Variants in TPRG1 observed in about 807,000 individuals in gnomAD.
TPRG1 encodes the protein tumor protein p63 regulated 1.
In TPRG1, 29 loss-of-function variants were observed where a neutral mutation model predicts 29.3. The observed-to-expected ratio is 0.99, with a 90% CI of 0.74 to 1.35. The LOEUF is 1.35. TPRG1 is among the 40% of genes most tolerant of loss of function. TPRG1 has a pLI of 0.00. For synonymous variants in TPRG1, 130 were observed against 116.8 expected (o/e 1.11, Z -0.73); for missense variants, 327 against 335.0 (o/e 0.98, Z 0.19).
At chr3:189,058,894 G>A (rs570937133) in intron 4 of TPRG1, among the ~76,000 whole-genome samples, 8 of 152,258 alleles carry the variant, frequency 5.3e-5, no homozygotes, top group African/African-American at 1.2e-4. Context: ...CATTGAAAAC[G>A]TCCCACATGC....
chr3:189,251,941 G>A (rs1314663362), intron 4 of TPRG1, among the ~76,000 whole-genome samples: 2 of 152,202 alleles, frequency 1.3e-5, no homozygotes, highest in East Asian at 1.9e-4. Context: ...GCTGGGGGAC[G>A]GTCAGGTCTT....
upstream of TPRG1, among the ~76,000 whole-genome samples, chr3:189,169,424 C>A (rs1728544938): frequency 6.6e-6 from 1 of 152,184 alleles, no homozygotes; most frequent in Non-Finnish European, 1.5e-5. Context: ...CTCGGCCTCC[C>A]AAAGTGCTGG....
At chr3:189,056,996 A>G (rs1019004972) in intron 4 of TPRG1, among the ~76,000 whole-genome samples, 1 of 152,170 alleles carries the variant, frequency 6.6e-6, no homozygotes, top group African/African-American at 2.4e-5. Flanking sequence ...CCCTGAGGAT[A>G]ATTTCTGAAG....
chr3:189,005,970 T>A (rs1000660605), intron 3 of TPRG1, among the ~76,000 whole-genome samples: 34 of 152,072 alleles, frequency 2.2e-4, no homozygotes, highest in African/African-American at 8.2e-4. Flanking sequence ...AACAGCAGTA[T>A]CAATAGCAGT....
At chr3:189,081,964 C>T (rs968226815) in intron 4 of TPRG1, among the ~76,000 whole-genome samples, 6 of 152,070 alleles carry the variant, frequency 3.9e-5, no homozygotes, top group African/African-American at 7.2e-5. Flanking sequence ...AGATTCTAGA[C>T]GAGGCTAAAC....
chr3:189,240,684 C>T (rs1179283894), intron 4 of TPRG1: 1 of 152,204 alleles, frequency 6.6e-6, no homozygotes, highest in African/African-American at 2.4e-5. Context: ...AATCACCTCC[C>T]ACCGGGTTCC....
chr3:189,244,246 A>G (rs1741051996), intron 4 of TPRG1, among the ~76,000 whole-genome samples: 1 of 152,122 alleles, frequency 6.6e-6, no homozygotes, highest in Non-Finnish European at 1.5e-5. Context: ...CCTAGCCAAC[A>G]TGGTGAAACC....
upstream of TPRG1, among the ~76,000 whole-genome samples, chr3:189,168,326 T>G (rs1046114784): frequency 2.6e-5 from 4 of 152,180 alleles, no homozygotes; most frequent in African/African-American, 9.6e-5. Context: ...AAAAGATGCT[T>G]TGGGCTGAAT....
chr3:189,224,734 C>T (rs921430552), intron 3 of TPRG1, among the ~76,000 whole-genome samples: 2 of 152,066 alleles, frequency 1.3e-5, no homozygotes, highest in African/African-American at 2.4e-5. Context: ...AGGCCATTTC[C>T]ACTCTGGTCC....
At chr3:189,183,839 A>G (rs1467629272) in intron 1 of TPRG1, among the ~76,000 whole-genome samples, 6 of 151,540 alleles carry the variant, frequency 4.0e-5, no homozygotes, top group Non-Finnish European at 8.8e-5. Context: ...TTGTGCAGTT[A>G]ACGCAATTAT....
intron 4 of TPRG1, among the ~76,000 whole-genome samples, chr3:189,288,957 A>G (rs1718535532): frequency 6.6e-6 from 1 of 152,182 alleles, no homozygotes; most frequent in African/African-American, 2.4e-5. Context: ...TTCCTCCCCA[A>G]AAGCATTTAT....
At chr3:189,220,994 A>G (rs1292450400) in intron 3 of TPRG1, among the ~76,000 whole-genome samples, 1 of 152,194 alleles carries the variant, frequency 6.6e-6, no homozygotes, top group African/African-American at 2.4e-5. Context: ...TTACTCAATC[A>G]TTCACCTATT....
chr3:189,138,915 C>T (rs1291792758), intron 3 of TPRG1, among the ~76,000 whole-genome samples: 1 of 152,072 alleles, frequency 6.6e-6, no homozygotes, highest in Non-Finnish European at 1.5e-5. Context: ...TGTGGCCACA[C>T]TCCTTGGGGA....
At chr3:189,107,009 T>A (rs1278556133) in intron 1 of TPRG1, among the ~76,000 whole-genome samples, 2 of 152,126 alleles carry the variant, frequency 1.3e-5, no homozygotes, top group Admixed American at 1.3e-4. Flanking sequence ...ATTTTTTTTT[T>A]AATCTTGGAA....
At chr3:189,162,066 C>T (rs556115462) in intron 5 of TPRG1, among the ~76,000 whole-genome samples, 19 of 152,160 alleles carry the variant, frequency 1.2e-4, no homozygotes, top group Non-Finnish European at 4.4e-5. Context: ...GATCTTGGCT[C>T]ATTGCAACCT....
At chr3:189,293,656 T>A (rs976392443) in intron 4 of TPRG1, among the ~76,000 whole-genome samples, 2 of 152,194 alleles carry the variant, frequency 1.3e-5, no homozygotes, top group African/African-American at 4.8e-5. Context: ...GAAAGGGACA[T>A]GGTGCAATTT....
chr3:189,102,714 A>G (rs1208231195), intron 1 of TPRG1, among the ~76,000 whole-genome samples: 1 of 152,148 alleles, frequency 6.6e-6, no homozygotes, highest in Non-Finnish European at 1.5e-5. Flanking sequence ...AAATTCTTCC[A>G]TGGTTCCCCA....
intron 4 of TPRG1, among the ~76,000 whole-genome samples, chr3:189,260,987 C>T (rs1045838058): frequency 2.0e-5 from 3 of 152,132 alleles, no homozygotes; most frequent in Non-Finnish European, 4.4e-5. Context: ...GCTCGTGGCC[C>T]GGGCCAATTC....
chr3:189,262,406 A>C (rs755104074), intron 4 of TPRG1, among the ~76,000 whole-genome samples: 8 of 152,114 alleles, frequency 5.3e-5, no homozygotes, highest in Middle Eastern at 3.4e-3. Flanking sequence ...CTGAGAGGCT[A>C]TGGGAAGAGA....
Sources: allele counts gnomAD v4.1 joint callset (sites outside exome capture counted in the v4.1 genomes callset), GRCh38; gene constraint gnomAD v4.1.1; transcripts MANE v1.5; gene names NCBI Gene and HGNC (gene_info 2026-07-23, HGNC 2026-07-21).